PECR: variants seen among roughly 807,000 people sequenced by gnomAD.
PECR encodes the protein 2,4-dienoyl-CoA reductase-related protein.
A neutral mutation model predicts 35.3 loss-of-function variants in PECR; 30 were observed. That is an observed-to-expected ratio of 0.85 (90% confidence interval 0.64 to 1.15). PECR has a LOEUF of 1.15. PECR is among the 50% of genes most tolerant of loss of function. The probability of loss-of-function intolerance (pLI) is 0.00; values close to 1 mark genes in which losing one functional copy is unlikely to be tolerated. For synonymous variants in PECR, 148 were observed against 138.9 expected (o/e 1.07, Z -0.46); for missense variants, 392 against 370.8 (o/e 1.06, Z -0.47).
At chr2:216,058,392 G>T (rs1390797973) in intron 4 of PECR, among the ~76,000 whole-genome samples, 1 of 152,154 alleles carries the variant, frequency 6.6e-6, no homozygotes, top group Non-Finnish European at 1.5e-5. Context: ...TGCTGTCTGT[G>T]TACAGAGTGG....
intron 4 of PECR, among the ~76,000 whole-genome samples, chr2:216,057,323 T>C (rs1349545558): frequency 2.0e-5 from 3 of 152,178 alleles, no homozygotes; most frequent in African/African-American, 7.2e-5. Flanking sequence ...AAATCATTCC[T>C]TACTTATGGT....
chr2:216,067,186 G>A (rs906185725), intron 1 of PECR, among the ~76,000 whole-genome samples: 1 of 152,136 alleles, frequency 6.6e-6, no homozygotes, highest in African/African-American at 2.4e-5. Context: ...CAGTGAGATT[G>A]CCCAGGGGAT....
At chr2:216,035,436 C>G (rs913578905), downstream of PECR, among the ~76,000 whole-genome samples, 2 of 152,022 alleles carry the variant, frequency 1.3e-5, no homozygotes, top group South Asian at 4.2e-4. Flanking sequence ...CACAGCCATG[C>G]CCTCCCTACT....
At chr2:216,068,225 C>CAAAAAA (rs34646067) in intron 1 of PECR, among the ~76,000 whole-genome samples, 83 of 64,926 alleles carry the variant, frequency 1.3e-3, no homozygotes, top group Middle Eastern at 0.014. Context: ...GACTCCATAT[C>CAAAAAA]AAAAAAAAAA....
chr2:216,065,261 T>G, intron 3 of PECR, 51 bp downstream of exon 3: 2 of 1,277,396 alleles, frequency 1.6e-6, no homozygotes, highest in Non-Finnish European at 1.1e-6. Flanking sequence ...ATAGGAATCC[T>G]GAGATCTCTA....
At chr2:216,051,661 T>C (rs1695117600) in intron 4 of PECR, 116 bp from the exon 5 acceptor site, 2 of 743,940 alleles carry the variant, frequency 2.7e-6, no homozygotes, top group South Asian at 1.4e-5. Flanking sequence ...CTTCTTGCTA[T>C]GGAGTCTGTC....
chr2:216,033,298 TAAC>T (rs1239038586), intron 7 of PECR, among the ~76,000 whole-genome samples: 2 of 152,232 alleles, frequency 1.3e-5, no homozygotes, highest in East Asian at 1.9e-4. Flanking sequence ...TAAAAAATAA[TAAC>T]AACTGCCATG....
chr2:216,043,704 C>T lies in PECR; in HGVS notation c.826+200G>A, dbSNP rs148265671. ...TATGCATGCACAAAAAGCTCAGTTCCATAATATAGATAGTTAGATATTTTC... is the reference window on the plus strand; with the variant it reads ...TATGCATGCACAAAAAGCTCAGTTCTATAATATAGATAGTTAGATATTTTC... On this transcript the variant is annotated intron_variant, in intron 7 of 7. Transcript: ENST00000265322. Among the ~76,000 whole-genome samples the T allele has an allele frequency of 4.6e-3, 701 of 152,190 alleles. 8 individuals carry two copies. Among genetic ancestry groups the T allele is most frequent in the African/African-American group, 0.016 (672 of 41,506 alleles).
At position 216,076,458 on chromosome 2, in the gene PECR, G is replaced by A. The variant is rs1007566777; in HGVS notation, c.124+5160C>T. Among the ~76,000 whole-genome samples the A allele has an allele frequency of 2.0e-5, 3 of 152,138 alleles. No individual in the cohort carries two copies. In the South Asian group the frequency reaches 6.2e-4, roughly 32 times the overall value. ...AATTACCTAAAAATTCAATATGAGGGAAATAGTTAAATCAATAACAATGAA... is the reference window on the plus strand; with the variant it reads ...AATTACCTAAAAATTCAATATGAGGAAAATAGTTAAATCAATAACAATGAA... On this transcript the variant is annotated intron_variant, in intron 1 of 7. Transcript: ENST00000265322.
chr2:216,034,657 AC>A (rs1340693531), downstream of PECR, among the ~76,000 whole-genome samples: 1 of 152,164 alleles, frequency 6.6e-6, no homozygotes, highest in Non-Finnish European at 1.5e-5. Flanking sequence ...ACTGGTATCT[AC>A]AATGGAATGA....
chr2:216,057,062 T>A (rs1399180033), intron 4 of PECR, among the ~76,000 whole-genome samples: 1 of 152,166 alleles, frequency 6.6e-6, no homozygotes, highest in Non-Finnish European at 1.5e-5. Context: ...CATTACTTCT[T>A]ACATATGCAT....
chr2:216,074,964 T>C (rs532778091), intron 1 of PECR, among the ~76,000 whole-genome samples: 1 of 152,312 alleles, frequency 6.6e-6, no homozygotes, highest in African/African-American at 2.4e-5. Context: ...GAATGAGATA[T>C]GACTACAATA....
intron 6 of PECR, among the ~76,000 whole-genome samples, chr2:216,047,824 C>A (rs1474227295): frequency 6.6e-6 from 1 of 152,032 alleles, no homozygotes; most frequent in Non-Finnish European, 1.5e-5. Context: ...TTTAGGGAAA[C>A]CTGACTTTTT....
In PECR at chr2:216,039,226, C is replaced by T; in HGVS notation, c.*49G>A. The T allele has an allele frequency of 2.1e-6, 2 of 964,700 alleles. No homozygotes were observed. Among genetic ancestry groups the T allele is most frequent in the South Asian group, 2.6e-5 (2 of 77,976 alleles). 59.8% of individuals were successfully genotyped at this position (964,700 alleles called of 1,614,324 possible). A position where few individuals can be genotyped will look rare whatever the true frequency, so the allele number is the denominator to read the frequency against. On this transcript the variant is annotated 3_prime_UTR_variant, in exon 8 of 8. Transcript: ENST00000265322. ...CTTTTAAAAAGTACAGAAGCATATC[C>T]TCAAGATGTGAAGGCACTGGGGGAT...
chr2:216,040,314 G>A lies in PECR; in HGVS notation c.827-954C>T, dbSNP rs149136655. Reference sequence around the variant, plus strand: ...GTCTTGCTCTGTCAGCCAGGCTGGAGTGCAGTTGTGCAATCATGGCTCACT... The same window carrying A: ...GTCTTGCTCTGTCAGCCAGGCTGGAATGCAGTTGTGCAATCATGGCTCACT... On this transcript the variant is annotated intron_variant, in intron 7 of 7. Coordinates refer to ENST00000265322, the MANE Select transcript of PECR (RefSeq NM_018441.6). Among the ~76,000 whole-genome samples the A allele has an allele frequency of 4.6e-5, 7 of 152,278 alleles. No homozygotes were observed. In the East Asian group the frequency reaches 1.3e-3, roughly 29 times the overall value.
At chr2:216,073,988 A>G (rs910656469) in intron 1 of PECR, among the ~76,000 whole-genome samples, 43 of 152,242 alleles carry the variant, frequency 2.8e-4, no homozygotes, top group African/African-American at 9.4e-4. Context: ...CTTAGGAGAA[A>G]TAGCTGAGCT....
intron 1 of PECR, among the ~76,000 whole-genome samples, chr2:216,068,255 C>A: frequency 6.9e-6 from 1 of 144,406 alleles, no homozygotes; most frequent in Admixed American, 6.9e-5. Context: ...AAAACCGGAA[C>A]CAGAAATGAC....
chr2:216,065,668 C>T (rs1427893894), intron 2 of PECR, among the ~76,000 whole-genome samples, 191 bp from the exon 3 acceptor site: 4 of 152,102 alleles, frequency 2.6e-5, no homozygotes, highest in African/African-American at 9.7e-5. Flanking sequence ...GTACCAGCAC[C>T]CAATACCCAC....
intron 2 of PECR, among the ~76,000 whole-genome samples, chr2:216,065,941 A>G (rs1695458028): frequency 6.6e-6 from 1 of 152,220 alleles, no homozygotes; most frequent in African/African-American, 2.4e-5. Flanking sequence ...CCTGGCCAAC[A>G]CGGTGAAACC....
Sources: gnomAD v4.1 joint callset for allele counts (sites outside exome capture counted in the v4.1 genomes callset) on GRCh38, gnomAD v4.1.1 for gene constraint, MANE v1.5 for transcripts, NCBI Gene and HGNC (gene_info 2026-07-23, HGNC 2026-07-21) for gene names.